Variants in FRMD6 observed in about 807,000 individuals in gnomAD.
The protein encoded by FRMD6 is FERM domain-containing protein 6.
Under a neutral mutation model 73.2 loss-of-function variants are expected in FRMD6, and 37 were observed. That is an observed-to-expected ratio of 0.51 (90% CI 0.39 to 0.66). The LOEUF (loss-of-function observed/expected upper bound fraction) is 0.66. Ranked by LOEUF, FRMD6 falls within the 30% of genes least tolerant of loss-of-function variation. The pLI, the probability that FRMD6 is intolerant of heterozygous loss-of-function variation, is 0.00. For synonymous variants in FRMD6, 273 were observed against 282.2 expected (o/e 0.97, Z 0.33); for missense variants, 714 against 780.5 (o/e 0.91, Z 1.02).
At chr14:51,412,659 G>A in the FRMD6 span, among the ~76,000 whole-genome samples, 946 of 152,138 alleles carry the variant, frequency 6.2e-3, 5 homozygotes, top group Non-Finnish European at 0.011. Context: ...AGACCATCCT[G>A]GCTAACATGG....
At chr14:51,624,414 CA>C (rs1212299844) in intron 2 of FRMD6, among the ~76,000 whole-genome samples, 3 of 152,182 alleles carry the variant, frequency 2.0e-5, no homozygotes, top group African/African-American at 4.8e-5. Flanking sequence ...AAGTACTATT[CA>C]AAAATTAGAT....
At chr14:51,573,173 T>C (rs1888221917) in intron 2 of FRMD6, among the ~76,000 whole-genome samples, 1 of 152,218 alleles carries the variant, frequency 6.6e-6, no homozygotes, top group Non-Finnish European at 1.5e-5. Flanking sequence ...CAAGATAGAC[T>C]ATGGAGGATA....
At chr14:51,534,496 T>A (rs1299283931) in intron 1 of FRMD6, among the ~76,000 whole-genome samples, 1 of 152,240 alleles carries the variant, frequency 6.6e-6, no homozygotes, top group Non-Finnish European at 1.5e-5. Context: ...TAAAACATTC[T>A]TTCTACCTTT....
At chr14:51,446,670 A>G in the FRMD6 span, among the ~76,000 whole-genome samples, 1 of 152,232 alleles carries the variant, frequency 6.6e-6, no homozygotes, top group Admixed American at 6.5e-5. Flanking sequence ...GCAATGATCA[A>G]TAAGAAATGG....
chr14:51,424,179 C>T, the FRMD6 span, among the ~76,000 whole-genome samples: 3 of 151,900 alleles, frequency 2.0e-5, no homozygotes, highest in South Asian at 2.1e-4. Context: ...CTCATCCTCT[C>T]GGGTGTGAAA....
chr14:51,544,752 C>T (rs986190980), intron 1 of FRMD6, among the ~76,000 whole-genome samples: 1 of 151,770 alleles, frequency 6.6e-6, no homozygotes, highest in Non-Finnish European at 1.5e-5. Flanking sequence ...TATGCAAAAT[C>T]CTCTACTTGC....
intron 10 of FRMD6, among the ~76,000 whole-genome samples, chr14:51,718,045 A>G (rs1321060781): frequency 6.6e-6 from 1 of 152,240 alleles, no homozygotes; most frequent in Non-Finnish European, 1.5e-5. Context: ...GAGCACAGGC[A>G]TGTTGATGAT....
At position 51,529,358 on chromosome 14, in the gene FRMD6, T is replaced by C. The variant is rs555945254; in HGVS notation, c.-210+39938T>C. Among the ~76,000 whole-genome samples the C allele has an allele frequency of 4.6e-5, 7 of 152,354 alleles. No homozygotes were observed. The East Asian group carries it at 1.3e-3, about 29-fold the overall frequency. On this transcript the variant is annotated intron_variant, in intron 1 of 14. Coordinates refer to the FRMD6 transcript ENST00000356218. ...TATCTACTTTTCAGGATTGCTGTGA[T>C]AATTAAATGAGCTCATACATGTGAA...
At chr14:51,532,690 A>G (rs1019325639) in intron 1 of FRMD6, among the ~76,000 whole-genome samples, 3 of 152,182 alleles carry the variant, frequency 2.0e-5, no homozygotes, top group Non-Finnish European at 4.4e-5. Context: ...TCCTTCCTAT[A>G]TAAACAACCA....
intron 2 of FRMD6, among the ~76,000 whole-genome samples, chr14:51,603,696 T>C (rs994183565): frequency 7.2e-4 from 109 of 152,238 alleles, no homozygotes; most frequent in African/African-American, 2.6e-3. Context: ...AGACTGCCAG[T>C]CACTAGTTAC....
At chr14:51,428,954 G>GGGGGAGGGAGAGGGTGAGAGACAGA in the FRMD6 span, among the ~76,000 whole-genome samples, 1 of 55,902 alleles carries the variant, frequency 1.8e-5, no homozygotes, top group Non-Finnish European at 3.6e-5. Context: ...GAGAGACAGA[G>GGGGGAGGGAGAGGGTGAGAGACAGA]GGGGAGAGAG....
Position 51,727,970 on chromosome 14 carries a change from A to G in FRMD6, c.1810A>G (p.Thr604Ala). ...CCAAGATGCTTTTCCAGTCAAAAGA[A>G]CCAGCAAATACTTTTCTCTGGATCT... ...NIQDAFPVKR[T>A]SKYFSLDLTH... The change falls in exon 14 of 14, where the codon ACC (threonine) becomes GCC (alanine). Residue 604 changes from threonine (T) to alanine (A), a missense_variant. By Grantham distance (58) the Thr-to-Ala change is moderately conservative. Transcript: ENST00000344768. 1.2e-6 allele frequency: 2 copies of G among 1,613,744 alleles called. No individual in the cohort carries two copies. Among genetic ancestry groups the G allele is most frequent in the South Asian group, 2.2e-5 (2 of 91,078 alleles).
chr14:51,512,759 C>A (rs771323848), intron 1 of FRMD6, among the ~76,000 whole-genome samples: 20 of 152,088 alleles, frequency 1.3e-4, no homozygotes, highest in Admixed American at 5.2e-4. Flanking sequence ...AGGCTGGAAC[C>A]AACTCAACTC....
Position 51,568,386 on chromosome 14 carries a change from T to G in FRMD6, c.-209-1962T>G, listed in dbSNP as rs535125005. On this transcript the variant is annotated intron_variant, in intron 1 of 14. Coordinates refer to the FRMD6 transcript ENST00000356218. ...AGTACAGCGTGAGCTGTAAGCAGCC[T>G]TAATCCAGAAACAGGTGTAATGGGA... 2.6e-4 allele frequency among the ~76,000 whole-genome samples: 40 copies of G among 152,382 alleles called. No homozygotes were observed. In the East Asian group the frequency reaches 4.8e-3, roughly 18 times the overall value.
At chr14:51,726,726 C>G (rs1897977298) in intron 13 of FRMD6, among the ~76,000 whole-genome samples, 1 of 152,150 alleles carries the variant, frequency 6.6e-6, no homozygotes, top group South Asian at 2.1e-4. Context: ...TGTGTGCCTT[C>G]CTTGAGAGTT....
At chr14:51,593,167 T>C (rs1389045184) in intron 2 of FRMD6, among the ~76,000 whole-genome samples, 2 of 152,200 alleles carry the variant, frequency 1.3e-5, no homozygotes, top group Admixed American at 1.3e-4. Flanking sequence ...GATGTTAACA[T>C]ATCTGCACCT....
chr14:51,411,620 T>G, the FRMD6 span, among the ~76,000 whole-genome samples: 1 of 152,242 alleles, frequency 6.6e-6, no homozygotes, highest in Non-Finnish European at 1.5e-5. Context: ...CATCAATCTA[T>G]GCACCCATGG....
chr14:51,692,782 T>C (rs1371332705), intron 2 of FRMD6: 1 of 152,192 alleles, frequency 6.6e-6, no homozygotes, highest in African/African-American at 2.4e-5. Context: ...GAATGTTGCC[T>C]GATCTCATGT....
At chr14:51,637,342 T>C (rs1170770905) in intron 2 of FRMD6, 1 of 152,182 alleles carries the variant, frequency 6.6e-6, no homozygotes, top group East Asian at 1.9e-4. Context: ...AACCATTACA[T>C]CAAAATCCTT....
Sources: gnomAD v4.1 joint callset for allele counts (sites outside exome capture counted in the v4.1 genomes callset) on GRCh38, gnomAD v4.1.1 for gene constraint, MANE v1.5 for transcripts, NCBI Gene and HGNC (gene_info 2026-07-23, HGNC 2026-07-21) for gene names.